SPTBN4: variants seen among roughly 807,000 people sequenced by gnomAD.
SPTBN4 encodes the protein spectrin beta, non-erythrocytic 4, also known as spectrin beta chain, non-erythrocytic 4.
A neutral mutation model predicts 277.8 loss-of-function variants in SPTBN4; 96 were observed. That is an observed-to-expected ratio of 0.35 (90% CI 0.29 to 0.41). The LOEUF is 0.41. SPTBN4 is among the 10% of genes least tolerant of loss of function. The pLI is 1.00. For missense variants in SPTBN4, 3,006 were observed against 3,595.7 expected (o/e 0.84, Z 4.19); for synonymous variants, 1,481 against 1,580.3 (o/e 0.94, Z 1.49).
intron 24 of SPTBN4, 68 bp from the exon 25 acceptor site, chr19:40,556,016 T>G: frequency 7.0e-7 from 1 of 1,434,414 alleles, no homozygotes; most frequent in Non-Finnish European, 9.5e-7. Flanking sequence ...GGGAGGGGGT[T>G]TAGGGGGGTC....
rs777393904 is a variant in SPTBN4, at chr19:40,502,457, C to T, written c.1153C>T (p.Arg385Cys). 6.2e-6 allele frequency: 10 copies of T among 1,613,514 alleles called. No homozygotes were observed. Among genetic ancestry groups the T allele is most frequent in the African/African-American group, 4.0e-5 (3 of 74,914 alleles). ...SIQSKLRACN[R>C]RLFVPREGCG... The stretch of plus-strand genomic sequence containing the variant: ...CCAGAGCAAACTGCGTGCCTGCAAC[C>T]GTCGCCTCTTTGTGCCTCGGGAGGG... The change falls in exon 10 of 36, where the codon CGT becomes TGT. Residue 385 changes from arginine (R) to cysteine (C), a missense_variant. By Grantham distance (180) the Arg-to-Cys change is radical. Transcript: ENST00000598249. The surrounding 1 kb of genome is among the most constrained non-coding windows in gnomAD (Gnocchi z 4.9).
At chr19:40,568,739 C>G (rs2081121869) in intron 31 of SPTBN4, among the ~76,000 whole-genome samples, 1 of 152,162 alleles carries the variant, frequency 6.6e-6, no homozygotes, top group Non-Finnish European at 1.5e-5. Context: ...GCAACTGAGG[C>G]ACAAAAAGGG....
intron 18 of SPTBN4, chr19:40,530,715 G>C (rs974562308): frequency 3.3e-5 from 11 of 334,752 alleles, no homozygotes; most frequent in Non-Finnish European, 4.6e-5. Flanking sequence ...GCGGGGGCGG[G>C]CCGGGCAGGC....
chr19:40,532,490 T>G, intron 18 of SPTBN4, 135 bp from the exon 19 acceptor site: 1 of 1,164,336 alleles, frequency 8.6e-7, no homozygotes, highest in South Asian at 1.9e-5. Flanking sequence ...CTTGCAAAGG[T>G]TTTTTCATCC....
intron 13 of SPTBN4, among the ~76,000 whole-genome samples, chr19:40,507,323 AT>A: frequency 6.6e-6 from 1 of 152,020 alleles, no homozygotes; most frequent in East Asian, 1.9e-4. Flanking sequence ...CAGCAAAAAA[AT>A]AAAATAAAAA....
Position 40,504,024 on chromosome 19 carries a change from G to A in SPTBN4, c.1557G>A (p.Leu519=). The A allele has an allele frequency of 1.2e-6, 2 of 1,613,970 alleles. No homozygotes were observed. Among genetic ancestry groups the A allele is most frequent in the African/African-American group, 1.3e-5 (1 of 75,012 alleles). Residue 519 remains leucine (L), a synonymous_variant, in exon 12 of 36, where the codon CTG becomes CTA. Transcript: ENST00000598249. The part of the protein sequence containing the change: ...QRDSVLRQWA[L]LTGLVGARRT... ...ACAGCGTCCTGCGCCAGTGGGCCCT[G>A]CTAACTGGGCTTGTGGGTGCCCGGC...
At chr19:40,536,163 C>T (rs989408276) in intron 20 of SPTBN4, among the ~76,000 whole-genome samples, 1 of 151,678 alleles carries the variant, frequency 6.6e-6, no homozygotes, top group Non-Finnish European at 1.5e-5. Flanking sequence ...GTTCTTTTTC[C>T]CTCCGCTCCC....
At chr19:40,550,446 G>A (rs572421117) in intron 22 of SPTBN4, 119 bp downstream of exon 22, 1 of 852,222 alleles carries the variant, frequency 1.2e-6, no homozygotes, top group Non-Finnish European at 1.9e-6. Flanking sequence ...ACAAGACTGT[G>A]GACAGCAGAT....
Position 40,502,375 on chromosome 19 carries a change from C to T in SPTBN4, c.1086-15C>T. ...GTGGCATGACGGCAGGGCTCCTGAG[C>T]TCATGCCCCTTCAGGTTCCAGGAGA... On this transcript the variant is annotated splice_polypyrimidine_tract_variant and intron_variant, in intron 9 of 35. Coordinates refer to ENST00000598249, the MANE Select transcript of SPTBN4 (RefSeq NM_020971.3). This position sits in a 1 kb window ranked among gnomAD's most constrained non-coding sequence, Gnocchi z 4.9. 1 of 1,610,554 alleles carries T rather than the reference C, an allele frequency of 6.2e-7. No homozygotes were observed. Among genetic ancestry groups the T allele is most frequent in the Non-Finnish European group, 8.5e-7 (1 of 1,178,288 alleles).
chr19:40,552,132 ACATGGTGAAAC>A (rs2080924419), intron 22 of SPTBN4, among the ~76,000 whole-genome samples: 1 of 152,038 alleles, frequency 6.6e-6, no homozygotes, highest in South Asian at 2.1e-4. Flanking sequence ...AGCCTGACCA[ACATGGTGAAAC>A]CCTGTCTCTA....
chr19:40,500,338 T>G (rs1487546192), intron 7 of SPTBN4, among the ~76,000 whole-genome samples: 1 of 152,186 alleles, frequency 6.6e-6, no homozygotes, highest in Non-Finnish European at 1.5e-5. Flanking sequence ...AAACTGAGGC[T>G]TAGAGAAGCT....
intron 7 of SPTBN4, among the ~76,000 whole-genome samples, chr19:40,499,018 G>T (rs867655348): frequency 1.1e-4 from 17 of 151,540 alleles, no homozygotes; most frequent in African/African-American, 3.4e-4. Context: ...TTTATTTATT[G>T]TTCTTATGTT....
Position 40,554,414 on chromosome 19 carries a change from G to T in SPTBN4, c.4942G>T (p.Asp1648Tyr). The T allele has an allele frequency of 6.3e-7, 1 of 1,576,306 alleles. No individual in the cohort carries two copies. Among genetic ancestry groups the T allele is most frequent in the South Asian group, 1.1e-5 (1 of 87,248 alleles). ...GEQELLMMSE[D>Y]KGKDEQSTLQ... ...GCAGGAGCTGCTCATGATGAGTGAG[G>T]ACAAGGGCAAGGTGCGCCCGAGCTG... is the stretch of plus-strand genomic sequence containing the variant. The change falls in exon 23 of 36, where the codon GAC becomes TAC. Residue 1648 changes from aspartate (D) to tyrosine (Y), a missense_variant. Physicochemically the swap from Asp to Tyr is radical, Grantham distance 160. This residue lies in a region of SPTBN4 where 1,759 missense variants were observed against 2,061.5 expected (regional missense o/e 0.85). Transcript: ENST00000598249. The surrounding 1 kb of genome is among the most constrained non-coding windows in gnomAD (Gnocchi z 5.7).
chr19:40,575,151 A>G (rs1460750250), intron 35 of SPTBN4, among the ~76,000 whole-genome samples: 1 of 151,946 alleles, frequency 6.6e-6, no homozygotes, highest in African/African-American at 2.4e-5. Flanking sequence ...GCCTGCCCAT[A>G]TTATTATCAT....
In SPTBN4 at chr19:40,557,386, C is replaced by A; in HGVS notation, c.5653C>A (p.Gln1885Lys). The change falls in exon 26 of 36, where the codon CAG becomes AAG. Residue 1885 changes from glutamine to lysine, a missense_variant. This residue lies in a region of SPTBN4 where 425 missense variants were observed against 594.7 expected (regional missense o/e 0.71). Transcript: ENST00000598249. ...CCTGAGAGCCTTTGAGCATGACCTG[C>A]AGCTCCTCGTGTCCCAGGTGGGGCG... ...RTLRAFEHDLQLLVSQVRQLQ... is the reference protein window; with the variant it reads ...RTLRAFEHDLKLLVSQVRQLQ... The A allele has an allele frequency of 6.4e-7, 1 of 1,572,388 alleles. No homozygotes were observed. The highest frequency in any genetic ancestry group is 1.2e-5 in the South Asian group (1 of 86,694).
Position 40,490,832 on chromosome 19 carries a change from A to C in SPTBN4, c.495+584A>C, listed in dbSNP as rs116193340. Among the ~76,000 whole-genome samples, 3,633 of 152,220 alleles carry C rather than the reference A, an allele frequency of 0.024. 153 individuals are homozygous for C. The highest frequency in any genetic ancestry group is 0.084 in the African/African-American group (3,483 of 41,512). On this transcript the variant is annotated intron_variant, in intron 4 of 35. Transcript: ENST00000598249. This position sits in a 1 kb window ranked among gnomAD's most constrained non-coding sequence, Gnocchi z 4.3. ...GCGAGGCTGAGATGGGAGGAACACT[A>C]AGGCCAGGAGTTTGAGACCAGCCTG...
At chr19:40,527,832 G>A (rs962678932) in intron 17 of SPTBN4, among the ~76,000 whole-genome samples, 1 of 152,170 alleles carries the variant, frequency 6.6e-6, no homozygotes, top group South Asian at 2.1e-4. Flanking sequence ...AAGGCGGGTG[G>A]ATCACTTGAG....
At chr19:40,498,406 TTTATTTA>T (rs2080225637) in intron 7 of SPTBN4, among the ~76,000 whole-genome samples, 3 of 150,116 alleles carry the variant, frequency 2.0e-5, no homozygotes, top group Non-Finnish European at 4.4e-5. Context: ...TATTTATTTA[TTTATTTA>T]TTTATTTTTT....
chr19:40,560,162 C>T lies in SPTBN4; in HGVS notation c.5674C>T (p.Arg1892Trp), dbSNP rs371693029. ...HDLQLLVSQV[R>W]QLQEGAAQLR... is the part of the protein sequence containing the mutation. Reference sequence around the variant, plus strand: ...CCCGACCTGGCATGCCCTTCAGGTACGGCAGCTGCAGGAGGGGGCGGCCCA... The same window carrying T: ...CCCGACCTGGCATGCCCTTCAGGTATGGCAGCTGCAGGAGGGGGCGGCCCA... The change falls in exon 27 of 36, where the codon CGG becomes TGG. Residue 1892 changes from arginine to tryptophan, a missense_variant. Around this residue, in one of 5 missense-constraint regions of SPTBN4, gnomAD observed 425 missense variants for 594.7 expected, o/e 0.71. Coordinates refer to ENST00000598249, the MANE Select transcript of SPTBN4 (RefSeq NM_020971.3). The surrounding 1 kb of genome is among the most constrained non-coding windows in gnomAD (Gnocchi z 5.2). 33 of 1,593,604 alleles carry T rather than the reference C, an allele frequency of 2.1e-5. No individual in the cohort carries two copies. Among genetic ancestry groups the T allele is most frequent in the African/African-American group, 8.0e-5 (6 of 75,000 alleles).
Sources: gnomAD v4.1 joint callset for allele counts (sites outside exome capture counted in the v4.1 genomes callset) on GRCh38, gnomAD v4.1.1 for gene constraint, gnomAD v4.1.1 regional missense constraint, Gnocchi (gnomAD v3.1) non-coding constraint, MANE v1.5 for transcripts, NCBI Gene and HGNC (gene_info 2026-07-23, HGNC 2026-07-21) for gene names.